DMRT1: variants seen among roughly 807,000 people sequenced by gnomAD.
The protein encoded by DMRT1 is doublesex- and mab-3-related transcription factor 1.
In DMRT1, 7 loss-of-function variants were observed where a neutral mutation model predicts 32.3. That is an observed-to-expected ratio of 0.22 (90% confidence interval 0.12 to 0.41). The LOEUF (loss-of-function observed/expected upper bound fraction) is 0.41, where lower values mean the gene tolerates loss of function less well. Ranked by LOEUF, DMRT1 falls within the 10% of genes least tolerant of loss-of-function variation. The pLI is 1.00. For missense variants in DMRT1, 625 were observed against 500.5 expected (o/e 1.25, Z -2.37); for synonymous variants, 278 against 206.1 (o/e 1.35, Z -2.99).
intron 2 of DMRT1, among the ~76,000 whole-genome samples, chr9:850,536 C>T (rs895919128): frequency 2.6e-5 from 4 of 152,094 alleles, no homozygotes. Flanking sequence ...TTCTTCTAAC[C>T]CCAACCTGCA....
At chr9:912,425 G>A (rs1818022673) in intron 3 of DMRT1, among the ~76,000 whole-genome samples, 1 of 152,066 alleles carries the variant, frequency 6.6e-6, no homozygotes, top group African/African-American at 2.4e-5. Context: ...AGTGATCTTG[G>A]GGATTCATTA....
intron 2 of DMRT1, among the ~76,000 whole-genome samples, chr9:891,990 G>A (rs1305179913): frequency 2.0e-5 from 3 of 152,182 alleles, no homozygotes; most frequent in Non-Finnish European, 4.4e-5. Flanking sequence ...TGGATCTCAC[G>A]TCCTGGTAGT....
Position 847,104 on chromosome 9 carries a change from C to G in DMRT1, c.499C>G (p.Gln167Glu), listed in dbSNP as rs766537963. Residue 167 changes from glutamine (Q) to glutamate (E), a missense_variant, in exon 2 of 5, where the codon CAG (glutamine) becomes GAG (glutamate). Gln to Glu is a conservative substitution (Grantham distance 29). This residue lies in a region of DMRT1 where 416 missense variants were observed against 321.6 expected (regional missense o/e 1.29). Coordinates refer to ENST00000382276, the MANE Select transcript of DMRT1 (RefSeq NM_021951.3). ...CLMTECSGTS[Q>E]PPPASVPTTA... is the part of the protein sequence containing the mutation. ...CATGACTGAGTGCAGTGGCACCTCTCAGCCACCGCCGGCCAGTGTCCCCAC... is the reference window on the plus strand; with the variant it reads ...CATGACTGAGTGCAGTGGCACCTCTGAGCCACCGCCGGCCAGTGTCCCCAC... 9 of 1,613,444 alleles carry G rather than the reference C, an allele frequency of 5.6e-6. No individual in the cohort carries two copies.
chr9:964,951 T>A (rs1586672656), intron 4 of DMRT1, among the ~76,000 whole-genome samples: 1 of 152,294 alleles, frequency 6.6e-6, no homozygotes, highest in East Asian at 1.9e-4. Flanking sequence ...GACTTTTGAG[T>A]TGAAATTAGC....
intron 3 of DMRT1, among the ~76,000 whole-genome samples, chr9:913,753 C>T (rs118113875): frequency 0.011 from 1,600 of 152,000 alleles, 21 homozygotes; most frequent in Non-Finnish European, 0.017. Context: ...ATTAGCCGGA[C>T]GTGGTGGGGC....
intron 3 of DMRT1, among the ~76,000 whole-genome samples, chr9:915,561 C>G (rs1053543736): frequency 6.6e-6 from 1 of 152,008 alleles, no homozygotes; most frequent in African/African-American, 2.4e-5. Context: ...CCCCATGTGT[C>G]CAGTTAGCAG....
intron 2 of DMRT1, among the ~76,000 whole-genome samples, chr9:853,738 C>G (rs939526425): frequency 6.6e-6 from 1 of 152,002 alleles, no homozygotes; most frequent in Non-Finnish European, 1.5e-5. Flanking sequence ...CTCCTGACCT[C>G]AGGTGCTCCG....
intron 2 of DMRT1, among the ~76,000 whole-genome samples, chr9:885,769 C>G (rs1462484070): frequency 1.3e-5 from 2 of 152,164 alleles, no homozygotes; most frequent in African/African-American, 4.8e-5. Context: ...GCAGTGGAGC[C>G]TTCGCAAGGG....
chr9:895,801 C>CTTTTTTTT (rs1187539144), intron 3 of DMRT1, among the ~76,000 whole-genome samples: 1 of 121,984 alleles, frequency 8.2e-6, no homozygotes, highest in African/African-American at 3.2e-5. Context: ...ATAACTGAAA[C>CTTTTTTTT]TTTTTTTTTT....
intron 2 of DMRT1, among the ~76,000 whole-genome samples, chr9:875,981 G>T (rs1007951675): frequency 6.6e-6 from 1 of 152,114 alleles, no homozygotes; most frequent in African/African-American, 2.4e-5. Flanking sequence ...CACCTGCCTG[G>T]CTGGGAACTC....
intron 4 of DMRT1, among the ~76,000 whole-genome samples, chr9:949,360 C>G (rs1819354449): frequency 1.5e-5 from 2 of 134,946 alleles, no homozygotes; most frequent in Non-Finnish European, 3.1e-5. Context: ...GCAAGACCCT[C>G]TCTCGGGGAA....
At chr9:906,844 A>G (rs1461366143) in intron 3 of DMRT1, among the ~76,000 whole-genome samples, 1 of 152,244 alleles carries the variant, frequency 6.6e-6, no homozygotes, top group Non-Finnish European at 1.5e-5. Flanking sequence ...GAGAAATCTC[A>G]GAAGCGTCTG....
rs1838691503 is a variant in DMRT1, at chr9:841,811, G to C, written c.-28G>C. On this transcript the variant is annotated 5_prime_UTR_variant, in exon 1 of 5. Transcript: ENST00000382276. ...AGTCTCCAGGCGAGAGAGGGGGCCA[G>C]AGTGCTCGCACTTCTCCTAGGGGCA... The C allele has an allele frequency of 6.3e-7, 1 of 1,593,004 alleles. No individual in the cohort carries two copies. Among genetic ancestry groups the C allele is most frequent in the Non-Finnish European group, 8.5e-7 (1 of 1,170,340 alleles).
intron 4 of DMRT1, among the ~76,000 whole-genome samples, chr9:949,588 A>G (rs1306885050): frequency 3.3e-5 from 5 of 152,218 alleles, no homozygotes; most frequent in East Asian, 1.9e-4. Flanking sequence ...AACACTTGAC[A>G]TAAGACCTAC....
intron 3 of DMRT1, among the ~76,000 whole-genome samples, chr9:908,691 C>T (rs1817866924): frequency 6.6e-6 from 1 of 151,992 alleles, no homozygotes; most frequent in Non-Finnish European, 1.5e-5. Context: ...ACTCCACCCA[C>T]ACTTTTTCTT....
intron 3 of DMRT1, among the ~76,000 whole-genome samples, chr9:903,351 C>T (rs547930877): frequency 1.3e-5 from 2 of 152,150 alleles, no homozygotes; most frequent in African/African-American, 4.8e-5. Context: ...CCTCACCTAC[C>T]AGCACTTTCA....
At chr9:854,093 G>C in intron 2 of DMRT1, among the ~76,000 whole-genome samples, 1 of 150,120 alleles carries the variant, frequency 6.7e-6, no homozygotes, top group Non-Finnish European at 1.5e-5. Context: ...TTACAGGTGT[G>C]AGCCTACACA....
intron 4 of DMRT1, among the ~76,000 whole-genome samples, chr9:917,663 A>G (rs116510356): frequency 0.016 from 2,362 of 152,334 alleles, 62 homozygotes; most frequent in African/African-American, 0.053. Context: ...CCAATCTAGA[A>G]GAATTTACTC....
At position 913,638 on chromosome 9, in the gene DMRT1, T is replaced by C. The variant is rs1818066172; in HGVS notation, c.823-3125T>C. Among the ~76,000 whole-genome samples, 5 of 151,886 alleles carry C rather than the reference T, an allele frequency of 3.3e-5. No individual in the cohort carries two copies. The South Asian group carries it at 8.3e-4, about 25-fold the overall frequency. ...AAGCTGGGGCAGTGGCTGACACTTG[T>C]AATCTCAGCACTTTGGGATGCCGAG... On this transcript the variant is annotated intron_variant, in intron 3 of 4. Coordinates refer to ENST00000382276, the MANE Select transcript of DMRT1 (RefSeq NM_021951.3).
Sources: gnomAD v4.1 joint callset for allele counts (sites outside exome capture counted in the v4.1 genomes callset) on GRCh38, gnomAD v4.1.1 for gene constraint, gnomAD v4.1.1 regional missense constraint, MANE v1.5 for transcripts, NCBI Gene and HGNC (gene_info 2026-07-23, HGNC 2026-07-21) for gene names.